The following ADK variants were observed in gnomAD, a reference collection of about 807,000 sequenced individuals.
The protein encoded by ADK is N6,N6-dimethyladenosine kinase.
In ADK, 24 loss-of-function variants were observed where a neutral mutation model predicts 44.7. That is an observed-to-expected ratio of 0.54 (90% CI 0.39 to 0.76). The LOEUF (loss-of-function observed/expected upper bound fraction) is 0.76. ADK is among the 30% of genes least tolerant of loss of function. ADK has a pLI of 0.00. For synonymous variants in ADK, 128 were observed against 142.6 expected, an observed-to-expected ratio of 0.90 and a Z score of 0.73; for missense variants, 321 against 425.1, an observed-to-expected ratio of 0.76 and a Z score of 2.15.
chr10:74,554,697 C>T (rs1475003362), intron 7 of ADK, among the ~76,000 whole-genome samples: 2 of 151,696 alleles, frequency 1.3e-5, no homozygotes, highest in African/African-American at 2.4e-5. Flanking sequence ...GAAATCCTAG[C>T]ACTTTGGGAG....
chr10:74,587,339 C>T (rs967025355), intron 7 of ADK, among the ~76,000 whole-genome samples: 4 of 152,194 alleles, frequency 2.6e-5, no homozygotes, highest in Admixed American at 6.5e-5. Flanking sequence ...TTTTTGTCTA[C>T]ATGAACTAAG....
intron 6 of ADK, among the ~76,000 whole-genome samples, chr10:74,469,703 A>G (rs1262244127): frequency 1.3e-5 from 2 of 152,188 alleles, no homozygotes; most frequent in South Asian, 2.1e-4. Context: ...AGTAATGTTA[A>G]TTGTATGCAC....
intron 6 of ADK, among the ~76,000 whole-genome samples, chr10:74,502,929 T>C (rs1296775010): frequency 6.6e-6 from 1 of 152,202 alleles, no homozygotes; most frequent in Non-Finnish European, 1.5e-5. Flanking sequence ...TCTGCCTTAG[T>C]TTTCAATTTC....
chr10:74,385,541 A>G (rs1843112760), intron 4 of ADK, among the ~76,000 whole-genome samples: 2 of 152,232 alleles, frequency 1.3e-5, no homozygotes, highest in South Asian at 4.1e-4. Context: ...TTCTTTATCC[A>G]TTATTAATTA....
intron 9 of ADK, among the ~76,000 whole-genome samples, chr10:74,610,451 T>C (rs1401379402): frequency 6.6e-6 from 1 of 152,098 alleles, no homozygotes; most frequent in Non-Finnish European, 1.5e-5. Flanking sequence ...TGGTAAAAAG[T>C]TTCAGTTTTG....
At position 74,594,197 on chromosome 10, in the gene ADK, G is replaced by A. The variant is rs1388407013; in HGVS notation, c.762+4880G>A. On this transcript the variant is annotated intron_variant, in intron 8 of 10. Transcript: ENST00000539909. Reference sequence around the variant, plus strand: ...ACCGGGGCCTGTTGTGGGGTGGGGGGTTGGGGAGGGATATCATCAGGAGAA... The same window carrying A: ...ACCGGGGCCTGTTGTGGGGTGGGGGATTGGGGAGGGATATCATCAGGAGAA... Among the ~76,000 whole-genome samples, 6 of 146,920 alleles carry A rather than the reference G, an allele frequency of 4.1e-5. No homozygotes were observed. In the East Asian group the frequency reaches 1.2e-3, roughly 30 times the overall value.
chr10:74,555,378 C>T (rs1474311013), intron 7 of ADK, among the ~76,000 whole-genome samples: 1 of 151,828 alleles, frequency 6.6e-6, no homozygotes, highest in Non-Finnish European at 1.5e-5. Flanking sequence ...GTGTCAGATC[C>T]AGCTAGCAGT....
At chr10:74,691,629 C>T (rs1038376098) in intron 10 of ADK, among the ~76,000 whole-genome samples, 1 of 152,106 alleles carries the variant, frequency 6.6e-6, no homozygotes, top group Non-Finnish European at 1.5e-5. Flanking sequence ...GAATACCAAA[C>T]GAGTCTGAGG....
intron 6 of ADK, among the ~76,000 whole-genome samples, chr10:74,450,743 G>A (rs1212050398): frequency 6.6e-6 from 1 of 152,112 alleles, no homozygotes; most frequent in East Asian, 1.9e-4. Flanking sequence ...CTTTTCTGTA[G>A]AGCAAGGCAT....
chr10:74,476,438 G>A lies in ADK; in HGVS notation c.556-48818G>A, dbSNP rs367680364. On this transcript the variant is annotated intron_variant, in intron 6 of 10. Coordinates refer to ENST00000539909, the MANE Select transcript of ADK (RefSeq NM_006721.4). ...ACCTGGGAGGCAGAGGTTGCAGTGA[G>A]TCAAGATCGTGCCACTGCACTCCAG... is the stretch of plus-strand genomic sequence containing the variant. 7.2e-5 allele frequency among the ~76,000 whole-genome samples: 11 copies of A among 151,754 alleles called. No homozygotes were observed. The East Asian group carries it at 2.1e-3, about 29-fold the overall frequency.
chr10:74,602,150 A>AAAGAGGATC (rs1491463861), intron 9 of ADK, among the ~76,000 whole-genome samples: 1 of 151,116 alleles, frequency 6.6e-6, no homozygotes, highest in Non-Finnish European at 1.5e-5. Flanking sequence ...CAATGGAGTC[A>AAAGAGGATC]AAGAGGATCA....
At position 74,420,565 on chromosome 10, in the gene ADK, A is replaced by G. The variant is rs1324426162; in HGVS notation, c.555+21986A>G. On this transcript the variant is annotated intron_variant, in intron 6 of 10. Transcript: ENST00000539909. ...TTTATGACCAAAGCTTGTAGGTTCT[A>G]TCCCTGGAAAATATTTTATAAATGC... Among the ~76,000 whole-genome samples, 3 of 152,180 alleles carry G rather than the reference A, an allele frequency of 2.0e-5. No homozygotes were observed. In the East Asian group the frequency reaches 5.8e-4, roughly 29 times the overall value.
At chr10:74,638,500 T>A (rs916742672) in intron 9 of ADK, among the ~76,000 whole-genome samples, 1 of 151,900 alleles carries the variant, frequency 6.6e-6, no homozygotes, top group East Asian at 1.9e-4. Context: ...GCAAAAAAAA[T>A]ATGGAAATTA....
At chr10:74,668,951 G>C (rs1855070956) in intron 9 of ADK, among the ~76,000 whole-genome samples, 1 of 150,930 alleles carries the variant, frequency 6.6e-6, no homozygotes, top group Admixed American at 6.6e-5. Context: ...AGGAGGCAGA[G>C]AGAATCCCTT....
At chr10:74,254,808 C>G (rs1172432985) in intron 3 of ADK, among the ~76,000 whole-genome samples, 2 of 152,104 alleles carry the variant, frequency 1.3e-5, no homozygotes, top group East Asian at 3.9e-4. Context: ...ACACAATGGA[C>G]AAATAGTCAT....
At chr10:74,440,722 G>A (rs1018406282) in intron 6 of ADK, among the ~76,000 whole-genome samples, 2 of 152,052 alleles carry the variant, frequency 1.3e-5, no homozygotes, top group Non-Finnish European at 2.9e-5. Flanking sequence ...TTTTCAAATG[G>A]CCCTACCAAT....
intron 2 of ADK, among the ~76,000 whole-genome samples, chr10:74,201,799 A>C (rs1843405392): frequency 6.6e-6 from 1 of 152,026 alleles, no homozygotes; most frequent in Non-Finnish European, 1.5e-5. Context: ...TACCTCGGAT[A>C]ACGGGGGCAC....
At chr10:74,585,190 T>G (rs1851491007) in intron 7 of ADK, among the ~76,000 whole-genome samples, 1 of 152,220 alleles carries the variant, frequency 6.6e-6, no homozygotes, top group African/African-American at 2.4e-5. Context: ...TATATTTGGT[T>G]GTTGTTTTAC....
chr10:74,264,183 A>G (rs547805951), intron 3 of ADK, among the ~76,000 whole-genome samples: 1 of 152,316 alleles, frequency 6.6e-6, no homozygotes, highest in African/African-American at 2.4e-5. Flanking sequence ...CTTGGGGTTT[A>G]TACCTGTGTG....
Sources: allele counts gnomAD v4.1 joint callset (sites outside exome capture counted in the v4.1 genomes callset), GRCh38; gene constraint gnomAD v4.1.1; transcripts MANE v1.5; gene names NCBI Gene and HGNC (gene_info 2026-07-23, HGNC 2026-07-21).